The following SLC8A1 variants were observed in gnomAD, a reference collection of about 807,000 sequenced individuals.
The protein encoded by SLC8A1 is solute carrier family 8 member A1.
A neutral mutation model predicts 68.3 loss-of-function variants in SLC8A1; 18 were observed. That is an observed-to-expected ratio of 0.26 (90% CI 0.18 to 0.39). The LOEUF is 0.39. Among genes scored for constraint, SLC8A1 ranks in the 10% least tolerant of loss-of-function variants. The pLI is 1.00. For missense variants in SLC8A1, 985 were observed against 1,156.7 expected (o/e 0.85, Z 2.15); for synonymous variants, 475 against 415.5 (o/e 1.14, Z -1.74).
intron 2 of SLC8A1, among the ~76,000 whole-genome samples, chr2:40,369,871 A>T (rs1434957464): frequency 1.4e-5 from 1 of 73,650 alleles, no homozygotes; most frequent in African/African-American, 1.3e-4. Context: ...AGAAAAGAAA[A>T]AAAACCAAAA....
chr2:40,281,249 TA>T (rs143887392), intron 2 of SLC8A1, among the ~76,000 whole-genome samples: 7 of 150,850 alleles, frequency 4.6e-5, no homozygotes, highest in African/African-American at 7.3e-5. Flanking sequence ...GTCATGTATT[TA>T]AAAAAAAAGG....
intron 2 of SLC8A1, among the ~76,000 whole-genome samples, chr2:40,298,488 T>A (rs768308999): frequency 1.3e-5 from 2 of 152,102 alleles, no homozygotes; most frequent in Admixed American, 1.3e-4. Flanking sequence ...ATTTTGGGGG[T>A]AGGAGAATGA....
intron 2 of SLC8A1, among the ~76,000 whole-genome samples, chr2:40,402,856 C>T (rs964798538): frequency 6.6e-6 from 1 of 152,200 alleles, no homozygotes; most frequent in Non-Finnish European, 1.5e-5. Context: ...ACTTTGTGCT[C>T]AGTAAACTGT....
At chr2:40,243,725 G>A (rs1003460203) in intron 2 of SLC8A1, among the ~76,000 whole-genome samples, 5 of 152,118 alleles carry the variant, frequency 3.3e-5, no homozygotes, top group South Asian at 2.1e-4. Flanking sequence ...GGATTGGTCC[G>A]TGCACTTGAA....
chr2:40,246,945 A>T lies in SLC8A1; in HGVS notation c.1809-69090T>A, dbSNP rs76814722. On this transcript the variant is annotated intron_variant, in intron 2 of 7. Transcript: ENST00000406785. ...TACTCTAACATATTTCTGCTAAAAA[A>T]AAAAAGAATATTTTCCATTATTGCC... Among the ~76,000 whole-genome samples the T allele has an allele frequency of 2.6e-3, 395 of 152,056 alleles. 2 individuals carry two copies. Among genetic ancestry groups the T allele is most frequent in the South Asian group, 0.01 (50 of 4,822 alleles).
chr2:40,260,502 G>A (rs533339358), intron 2 of SLC8A1, among the ~76,000 whole-genome samples: 2 of 152,196 alleles, frequency 1.3e-5, no homozygotes, highest in East Asian at 3.9e-4. Context: ...TCTAAAATAA[G>A]TGAACTTTGT....
chr2:40,163,565 A>C (rs1036831744), intron 5 of SLC8A1, among the ~76,000 whole-genome samples: 2 of 152,202 alleles, frequency 1.3e-5, no homozygotes, highest in Admixed American at 1.3e-4. Context: ...GACTTCTGGA[A>C]TTACAGGGAA....
intron 3 of SLC8A1, among the ~76,000 whole-genome samples, 181 bp from the exon 4 acceptor site, chr2:40,175,462 C>T (rs10199306): frequency 0.12 from 18,111 of 152,016 alleles, 1,172 homozygotes; most frequent in African/African-American, 0.13. Context: ...TAAACAATCC[C>T]AACTGAAATT....
chr2:40,195,232 G>A (rs1378266759), intron 2 of SLC8A1, among the ~76,000 whole-genome samples: 1 of 152,090 alleles, frequency 6.6e-6, no homozygotes, highest in African/African-American at 2.4e-5. Flanking sequence ...TTGTTTCTGA[G>A]TATCTGGAAG....
At chr2:40,266,344 C>T (rs143825508) in intron 2 of SLC8A1, among the ~76,000 whole-genome samples, 17 of 152,226 alleles carry the variant, frequency 1.1e-4, no homozygotes, top group Non-Finnish European at 1.5e-5. Context: ...ATTTTTATGA[C>T]TAGCTATATC....
intron 2 of SLC8A1, among the ~76,000 whole-genome samples, chr2:40,376,214 G>A (rs913254185): frequency 2.0e-5 from 3 of 151,906 alleles, no homozygotes; most frequent in Non-Finnish European, 4.4e-5. Flanking sequence ...AGTATTTGTG[G>A]CCAACCTTAA....
chr2:40,315,944 A>G (rs1030433595), intron 2 of SLC8A1, among the ~76,000 whole-genome samples: 2 of 152,074 alleles, frequency 1.3e-5, no homozygotes, highest in African/African-American at 4.8e-5. Context: ...AAGTAATTAC[A>G]CTGGTCTCAG....
chr2:40,432,113 G>T (rs540335274), intron 1 of SLC8A1, among the ~76,000 whole-genome samples: 2 of 151,954 alleles, frequency 1.3e-5, no homozygotes, highest in Admixed American at 1.3e-4. Context: ...CTTGAAACAA[G>T]GTGAAATTTA....
chr2:40,221,229 A>G (rs1558817142), intron 2 of SLC8A1, among the ~76,000 whole-genome samples: 1 of 152,198 alleles, frequency 6.6e-6, no homozygotes, highest in Non-Finnish European at 1.5e-5. Flanking sequence ...GGTTCAACAT[A>G]TGCAAATCAA....
chr2:40,183,674 A>G (rs2050073614), intron 2 of SLC8A1, among the ~76,000 whole-genome samples: 1 of 152,180 alleles, frequency 6.6e-6, no homozygotes, highest in South Asian at 2.1e-4. Flanking sequence ...GCACCAATCT[A>G]GAGTGGACAA....
At chr2:40,113,728 G>A (rs1040693529) in exon 8 of SLC8A1, 2 of 152,738 alleles carry the variant, frequency 1.3e-5, no homozygotes, top group African/African-American at 4.8e-5. Flanking sequence ...TACTTTGCAG[G>A]GAGGGGTGTT....
At chr2:40,384,098 AG>A (rs68098250) in intron 2 of SLC8A1, among the ~76,000 whole-genome samples, 10,295 of 148,504 alleles carry the variant, frequency 0.069, 1,177 homozygotes, top group African/African-American at 0.24. Flanking sequence ...CCATCTCTAC[AG>A]TTTTTTTTTT....
rs148661975 is a variant in SLC8A1 at position 40,290,258 on chromosome 2, G to GAA, written c.1809-112405_1809-112404dup. Among the ~76,000 whole-genome samples the GAA allele has an allele frequency of 4.0e-3, 573 of 141,654 alleles. 5 individuals are homozygous for GAA. Among genetic ancestry groups the GAA allele is most frequent in the African/African-American group, 0.014 (555 of 39,034 alleles). 92.9% of individuals were successfully genotyped at this position (141,654 alleles called of 152,430 possible). ...GTACGAAAGGCAAATAACTGCAGCT[G>GAA]AAAAAAAAAAAAGGTTTCTTTGTTT... On this transcript the variant is annotated intron_variant, in intron 2 of 7. Transcript: ENST00000406785.
intron 2 of SLC8A1, among the ~76,000 whole-genome samples, chr2:40,320,419 C>T (rs748019322): frequency 2.6e-5 from 4 of 152,086 alleles, no homozygotes; most frequent in Non-Finnish European, 5.9e-5. Flanking sequence ...AGCTGATGGA[C>T]TTCTGAAAAT....
Sources: gnomAD v4.1 joint callset for allele counts (sites outside exome capture counted in the v4.1 genomes callset) on GRCh38, gnomAD v4.1.1 for gene constraint, MANE v1.5 for transcripts, NCBI Gene and HGNC (gene_info 2026-07-23, HGNC 2026-07-21) for gene names.